The following CDYL2 variants were observed in gnomAD, a reference collection of about 807,000 sequenced individuals.
CDYL2 encodes chromodomain Y-like protein 2.
A neutral mutation model predicts 49.4 loss-of-function variants in CDYL2; 23 were observed. That is an observed-to-expected ratio of 0.47 (90% confidence interval 0.34 to 0.66). CDYL2 has a LOEUF of 0.66. Ranked by LOEUF, CDYL2 falls within the 30% of genes least tolerant of loss-of-function variation. CDYL2 has a pLI of 0.01. For synonymous variants in CDYL2, 360 were observed against 268.8 expected (o/e 1.34, Z -3.32); for missense variants, 678 against 656.4 (o/e 1.03, Z -0.36).
intron 1 of CDYL2, among the ~76,000 whole-genome samples, chr16:80,734,532 GA>G: frequency 6.6e-6 from 1 of 152,262 alleles, no homozygotes; most frequent in East Asian, 1.9e-4. Context: ...CAACTGGAGA[GA>G]AACTCAGAAT....
At chr16:80,668,670 AG>A (rs1271696078) in intron 2 of CDYL2, among the ~76,000 whole-genome samples, 1 of 152,108 alleles carries the variant, frequency 6.6e-6, no homozygotes, top group Non-Finnish European at 1.5e-5. Context: ...AGGCCAAAGC[AG>A]GAAATTCACT....
intron 1 of CDYL2, among the ~76,000 whole-genome samples, chr16:80,713,297 G>C (rs10514507): frequency 0.056 from 8,487 of 152,262 alleles, 291 homozygotes; most frequent in African/African-American, 0.096. Context: ...GAGGCTCTGA[G>C]AACAGTGCAT....
intron 1 of CDYL2, among the ~76,000 whole-genome samples, chr16:80,740,686 C>T (rs1480748277): frequency 6.6e-6 from 1 of 151,928 alleles, no homozygotes; most frequent in Non-Finnish European, 1.5e-5. Flanking sequence ...TTCCCAAATA[C>T]AGATCTAATC....
At chr16:80,611,609 C>T (rs774597608) in intron 5 of CDYL2, among the ~76,000 whole-genome samples, 40 of 152,196 alleles carry the variant, frequency 2.6e-4, no homozygotes, top group Non-Finnish European at 4.6e-4. Context: ...AGGCTGGGTT[C>T]GGAGCACAGA....
Position 80,712,215 on chromosome 16 carries a change from A to ATATATATATATATG in CDYL2, c.25-27087_25-27086insCATATATATATATA, listed in dbSNP as rs763194077. 2.0e-3 allele frequency among the ~76,000 whole-genome samples: 260 copies of ATATATATATATATG among 128,352 alleles called. 1 individual carries two copies. The highest frequency in any genetic ancestry group is 6.1e-3 in the South Asian group (24 of 3,936). The allele number at this position is 128,352 out of a possible 152,430, so 84.2% of individuals were successfully genotyped here. On this transcript the variant is annotated intron_variant, in intron 1 of 6. Coordinates refer to ENST00000570137, the MANE Select transcript of CDYL2 (RefSeq NM_152342.4). ...TGTATATATATATATATATATATAT[A>ATATATATATATATG]TCTCCAAACCACTGCTCACTGTGAT...
rs192249786 is a variant in CDYL2 at position 80,685,398 on chromosome 16, C to T, written c.25-269G>A. The stretch of plus-strand genomic sequence containing the variant: ...TGACACGCCCAGCTGGTGGTAGCCA[C>T]ATGTCCATCCAGGCTTACTTTTATT... On this transcript the variant is annotated intron_variant, in intron 1 of 6. Transcript: ENST00000570137. Among the ~76,000 whole-genome samples the T allele has an allele frequency of 5.3e-5, 8 of 152,334 alleles. No individual in the cohort carries two copies. The East Asian group carries it at 1.5e-3, about 29-fold the overall frequency.
chr16:80,627,244 T>C (rs1265219998), intron 3 of CDYL2, among the ~76,000 whole-genome samples: 1 of 151,854 alleles, frequency 6.6e-6, no homozygotes, highest in Non-Finnish European at 1.5e-5. Context: ...CCTCCAGAAA[T>C]AGATATACTC....
rs928375027 is a variant in CDYL2, at chr16:80,612,859, T to C, written c.1008-23A>G. On this transcript the variant is annotated intron_variant, in intron 4 of 6. Coordinates refer to ENST00000570137, the MANE Select transcript of CDYL2 (RefSeq NM_152342.4). The surrounding 1 kb of genome is among the most constrained non-coding windows in gnomAD (Gnocchi z 5.0). ...TCCCTGGGAGAGAAAGAAGATCCTC[T>C]TGAACAGGTGACTATAGCATGCTAA... 1.3e-6 allele frequency: 2 copies of C among 1,584,272 alleles called. No individual in the cohort carries two copies. Among genetic ancestry groups the C allele is most frequent in the Non-Finnish European group, 1.7e-6 (2 of 1,163,022 alleles).
chr16:80,663,455 C>G (rs2142438795), intron 2 of CDYL2, among the ~76,000 whole-genome samples: 1 of 152,204 alleles, frequency 6.6e-6, no homozygotes, highest in South Asian at 2.1e-4. Flanking sequence ...CCACAGTTAA[C>G]TGTCATCTGG....
At chr16:80,716,178 AT>A (rs1904792258) in intron 1 of CDYL2, among the ~76,000 whole-genome samples, 1 of 152,224 alleles carries the variant, frequency 6.6e-6, no homozygotes, top group Admixed American at 6.5e-5. Context: ...CAGCTCAAAT[AT>A]CACTTCATCA....
intron 1 of CDYL2, among the ~76,000 whole-genome samples, chr16:80,746,782 C>G (rs1207778658): frequency 2.6e-5 from 4 of 152,156 alleles, no homozygotes; most frequent in Non-Finnish European, 5.9e-5. Context: ...AGAGACCACT[C>G]ACTAGGACAC....
At chr16:80,748,353 C>G (rs965656116) in intron 1 of CDYL2, among the ~76,000 whole-genome samples, 2 of 148,438 alleles carry the variant, frequency 1.3e-5, no homozygotes, top group Non-Finnish European at 3.0e-5. Flanking sequence ...GGTGAAACCC[C>G]ATCTCTACTA....
intron 2 of CDYL2, among the ~76,000 whole-genome samples, chr16:80,633,725 G>A (rs1422779653): frequency 6.6e-6 from 1 of 151,980 alleles, no homozygotes; most frequent in African/African-American, 2.4e-5. Flanking sequence ...GACCCCCCTA[G>A]GGCTTCCTCA....
At chr16:80,689,498 C>G (rs990050291) in intron 1 of CDYL2, among the ~76,000 whole-genome samples, 1 of 152,220 alleles carries the variant, frequency 6.6e-6, no homozygotes, top group Non-Finnish European at 1.5e-5. Flanking sequence ...CTTGATCACA[C>G]AGTCAGTAGC....
chr16:80,636,116 C>T (rs1184564752), intron 2 of CDYL2, among the ~76,000 whole-genome samples: 2 of 152,042 alleles, frequency 1.3e-5, no homozygotes, highest in African/African-American at 4.8e-5. Context: ...TAGAAGAAAA[C>T]CTAGGCAATA....
At chr16:80,706,141 A>T (rs1904396944) in intron 1 of CDYL2, among the ~76,000 whole-genome samples, 1 of 152,246 alleles carries the variant, frequency 6.6e-6, no homozygotes, top group African/African-American at 2.4e-5. Flanking sequence ...ATCCCCAGCC[A>T]AGTGACTACA....
intron 1 of CDYL2, among the ~76,000 whole-genome samples, chr16:80,784,040 C>T (rs143045272): frequency 6.6e-6 from 1 of 152,226 alleles, no homozygotes; most frequent in East Asian, 1.9e-4. Flanking sequence ...ATGGAAAATA[C>T]TATGTTATAC....
intron 1 of CDYL2, among the ~76,000 whole-genome samples, chr16:80,780,436 G>C (rs1031491081): frequency 4.7e-5 from 5 of 106,152 alleles, no homozygotes; most frequent in Non-Finnish European, 8.6e-5. Flanking sequence ...ACAGAGTCTT[G>C]CTCTGTCACC....
chr16:80,779,950 T>G (rs1907209098), intron 1 of CDYL2, among the ~76,000 whole-genome samples: 1 of 152,162 alleles, frequency 6.6e-6, no homozygotes, highest in Non-Finnish European at 1.5e-5. Context: ...TTTTAAAATA[T>G]ACTTATTAAG....
Sources: allele counts gnomAD v4.1 joint callset (sites outside exome capture counted in the v4.1 genomes callset), GRCh38; gene constraint gnomAD v4.1.1; non-coding constraint Gnocchi (gnomAD v3.1); transcripts MANE v1.5; gene names NCBI Gene and HGNC (gene_info 2026-07-23, HGNC 2026-07-21).